The following PCP4 variants were observed in gnomAD, a reference collection of about 807,000 sequenced individuals.
PCP4 encodes the protein calmodulin regulator protein PCP4.
PCP4 carries 8 observed loss-of-function variants against 10.0 expected under a neutral mutation model. That is an observed-to-expected ratio of 0.80 (90% CI 0.47 to 1.45). The LOEUF is 1.45. Among genes scored for constraint, PCP4 ranks in the 40% most tolerant of loss-of-function variants. PCP4 has a pLI of 0.00. For missense variants in PCP4, 54 were observed against 74.4 expected (o/e 0.73, Z 1.01); for synonymous variants, 21 against 23.0 (o/e 0.91, Z 0.24).
At chr21:39,871,590 A>T (rs1048562048) in intron 1 of PCP4, among the ~76,000 whole-genome samples, 2 of 152,234 alleles carry the variant, frequency 1.3e-5, no homozygotes, top group Non-Finnish European at 2.9e-5. Context: ...TTCGTTGGAC[A>T]ACACCATGAA....
intron 1 of PCP4, among the ~76,000 whole-genome samples, chr21:39,871,855 TA>T (rs1444637527): frequency 2.0e-5 from 3 of 152,208 alleles, no homozygotes; most frequent in Admixed American, 6.5e-5. Flanking sequence ...GCAAGATGTA[TA>T]TTTTTTTTTC....
At chr21:39,916,738 A>T (rs1171373521) in intron 2 of PCP4, among the ~76,000 whole-genome samples, 3 of 152,242 alleles carry the variant, frequency 2.0e-5, no homozygotes, top group African/African-American at 2.4e-5. Context: ...AATAGACTGG[A>T]TAAAGACCAT....
intron 2 of PCP4, among the ~76,000 whole-genome samples, chr21:39,917,779 T>C (rs1771458283): frequency 1.3e-5 from 2 of 152,202 alleles, no homozygotes; most frequent in South Asian, 4.1e-4. Context: ...TTGAATTGTG[T>C]ACTCCCTCCC....
intron 1 of PCP4, among the ~76,000 whole-genome samples, chr21:39,872,410 A>G (rs754412065): frequency 3.3e-5 from 5 of 152,238 alleles, no homozygotes; most frequent in African/African-American, 7.2e-5. Flanking sequence ...ACCACTGGAC[A>G]CATTGAACTA....
At chr21:39,887,049 A>G (rs2087403670) in intron 1 of PCP4, among the ~76,000 whole-genome samples, 1 of 152,258 alleles carries the variant, frequency 6.6e-6, no homozygotes. Flanking sequence ...GAAAATGCGA[A>G]TTTTAAAAAT....
At chr21:39,923,856 T>C (rs984607302) in intron 2 of PCP4, among the ~76,000 whole-genome samples, 30 of 152,348 alleles carry the variant, frequency 2.0e-4, no homozygotes, top group African/African-American at 7.0e-4. Context: ...TAGGAGGGCG[T>C]GGTGTGTGCC....
chr21:39,908,915 T>A (rs1237610163), intron 2 of PCP4, among the ~76,000 whole-genome samples: 1 of 152,142 alleles, frequency 6.6e-6, no homozygotes, highest in Non-Finnish European at 1.5e-5. Flanking sequence ...AACTTCAAAT[T>A]TGTGACTGCA....
intron 1 of PCP4, among the ~76,000 whole-genome samples, chr21:39,886,310 C>A (rs531904060): frequency 5.3e-5 from 8 of 152,270 alleles, no homozygotes; most frequent in African/African-American, 1.9e-4. Flanking sequence ...ACACAAAAGT[C>A]GTCACCATGA....
At chr21:39,902,772 G>A (rs956377160) in intron 2 of PCP4, among the ~76,000 whole-genome samples, 2 of 152,026 alleles carry the variant, frequency 1.3e-5, no homozygotes, top group Non-Finnish European at 2.9e-5. Context: ...GGGCTTGGAG[G>A]TTCAGAGATT....
intron 2 of PCP4, among the ~76,000 whole-genome samples, chr21:39,913,303 G>C (rs1417895644): frequency 1.3e-5 from 2 of 152,164 alleles, no homozygotes; most frequent in Non-Finnish European, 2.9e-5. Context: ...AAAGAGAAGG[G>C]ACGTGAGGGG....
At chr21:39,890,730 G>A (rs62235439) in intron 1 of PCP4, among the ~76,000 whole-genome samples, 8,835 of 152,114 alleles carry the variant, frequency 0.058, 338 homozygotes, top group East Asian at 0.086. Flanking sequence ...AAAATATTGC[G>A]TTAACATATG....
intron 2 of PCP4, among the ~76,000 whole-genome samples, chr21:39,901,093 G>A (rs373535595): frequency 6.6e-6 from 1 of 152,134 alleles, no homozygotes; most frequent in African/African-American, 2.4e-5. Context: ...GAGGACAGCT[G>A]GATTTTCATA....
intron 1 of PCP4, among the ~76,000 whole-genome samples, chr21:39,868,728 C>G (rs1247451343): frequency 6.6e-6 from 1 of 152,210 alleles, no homozygotes; most frequent in African/African-American, 2.4e-5. Flanking sequence ...CAGATGAGGA[C>G]ACTGAGGCAC....
At chr21:39,907,443 CAG>C (rs1195089714) in intron 2 of PCP4, among the ~76,000 whole-genome samples, 2 of 152,176 alleles carry the variant, frequency 1.3e-5, no homozygotes, top group African/African-American at 2.4e-5. Flanking sequence ...AGCGGACAGA[CAG>C]GGGCTTTGGC....
chr21:39,890,244 A>G (rs1445958750), intron 1 of PCP4, among the ~76,000 whole-genome samples: 6 of 152,200 alleles, frequency 3.9e-5, no homozygotes. Flanking sequence ...TCTTTTCCTT[A>G]CTTCAGGGAG....
In PCP4 at chr21:39,906,218, G is replaced by A. The variant is rs145967574; in HGVS notation, c.61+7691G>A. Among the ~76,000 whole-genome samples the A allele has an allele frequency of 0.013, 1,909 of 152,328 alleles. 49 individuals are homozygous for A. Among genetic ancestry groups the A allele is most frequent in the Admixed American group, 0.037 (564 of 15,308 alleles). ...ACCCACAGTCCAAACACACCAGGTTGTCTCTATTTACACTTTCTCCTGACT... is the reference window on the plus strand; with the variant it reads ...ACCCACAGTCCAAACACACCAGGTTATCTCTATTTACACTTTCTCCTGACT... On this transcript the variant is annotated intron_variant, in intron 2 of 2. Transcript: ENST00000328619. The surrounding 1 kb of genome is among the most constrained non-coding windows in gnomAD (Gnocchi z 6.3).
At chr21:39,875,159 G>A (rs902998404) in intron 1 of PCP4, among the ~76,000 whole-genome samples, 12 of 152,032 alleles carry the variant, frequency 7.9e-5, no homozygotes, top group African/African-American at 1.7e-4. Flanking sequence ...CCACTGTTTC[G>A]TTAGGAGTTG....
chr21:39,924,850 T>A (rs910707201), intron 2 of PCP4, among the ~76,000 whole-genome samples: 1 of 152,202 alleles, frequency 6.6e-6, no homozygotes, highest in Non-Finnish European at 1.5e-5. Context: ...TTTTGTTTAT[T>A]CCCTGGCCAG....
intron 1 of PCP4, among the ~76,000 whole-genome samples, chr21:39,881,124 G>A (rs1341020077): frequency 6.6e-6 from 1 of 151,926 alleles, no homozygotes; most frequent in African/African-American, 2.4e-5. Context: ...CCACTTCTTG[G>A]GCTGTGACAG....
Sources: allele counts gnomAD v4.1 joint callset (sites outside exome capture counted in the v4.1 genomes callset), GRCh38; gene constraint gnomAD v4.1.1; non-coding constraint Gnocchi (gnomAD v3.1); transcripts MANE v1.5; gene names NCBI Gene and HGNC (gene_info 2026-07-23, HGNC 2026-07-21).